The following SLC1A1 variants were observed in gnomAD, a reference collection of about 807,000 sequenced individuals.
SLC1A1 encodes excitatory amino acid transporter 3.
SLC1A1 carries 43 observed loss-of-function variants against 53.3 expected under a neutral mutation model. The observed-to-expected ratio is 0.81, with a 90% CI of 0.63 to 1.04. The LOEUF (loss-of-function observed/expected upper bound fraction) is 1.04, where lower values mean the gene tolerates loss of function less well. Ranked by LOEUF, SLC1A1 falls within the 50% of genes least tolerant of loss-of-function variation. SLC1A1 has a pLI of 0.00. For synonymous variants in SLC1A1, 307 were observed against 243.2 expected (o/e 1.26, Z -2.44); for missense variants, 748 against 664.9 (o/e 1.12, Z -1.37).
chr9:4,552,489 G>C (rs1818016576), intron 2 of SLC1A1, among the ~76,000 whole-genome samples: 1 of 152,138 alleles, frequency 6.6e-6, no homozygotes, highest in African/African-American at 2.4e-5. Flanking sequence ...TGGGCAAGAG[G>C]AATGGGATGG....
intron 2 of SLC1A1, among the ~76,000 whole-genome samples, chr9:4,557,156 T>C (rs1333925060): frequency 6.6e-6 from 1 of 152,214 alleles, no homozygotes; most frequent in Non-Finnish European, 1.5e-5. Flanking sequence ...AATGCAGCTC[T>C]TTCTGTCATG....
intron 1 of SLC1A1, among the ~76,000 whole-genome samples, chr9:4,528,599 G>C (rs954923737): frequency 6.6e-6 from 1 of 152,030 alleles, no homozygotes; most frequent in Non-Finnish European, 1.5e-5. Context: ...ACAAAAAAAT[G>C]CAAGTTAGAT....
chr9:4,512,389 T>A (rs565193340), intron 1 of SLC1A1, among the ~76,000 whole-genome samples: 1 of 152,212 alleles, frequency 6.6e-6, no homozygotes, highest in East Asian at 1.9e-4. Flanking sequence ...GCGCCTGTAG[T>A]CCCAGCTACT....
chr9:4,527,113 C>G (rs7021569), intron 1 of SLC1A1, among the ~76,000 whole-genome samples: 43,890 of 152,038 alleles, frequency 0.29, 6,769 homozygotes, highest in South Asian at 0.4. Context: ...TGGCAAGGAA[C>G]AGTAGGACTT....
At chr9:4,497,704 C>A (rs1820483725) in intron 1 of SLC1A1, among the ~76,000 whole-genome samples, 1 of 152,246 alleles carries the variant, frequency 6.6e-6, no homozygotes, top group East Asian at 1.9e-4. Flanking sequence ...TTTTCTTTCT[C>A]AAAACTAGAT....
rs750896366 is a variant in SLC1A1 at position 4,490,630 on chromosome 9, C to G, written c.-50C>G. The G allele has an allele frequency of 1.8e-5, 28 of 1,527,876 alleles. No individual in the cohort carries two copies. In the South Asian group the frequency reaches 2.5e-4, roughly 14 times the overall value. 94.6% of individuals were successfully genotyped at this position (1,527,876 alleles called of 1,614,324 possible). A position where few individuals can be genotyped will look rare whatever the true frequency, so the allele number is the denominator to read the frequency against. On this transcript the variant is annotated 5_prime_UTR_variant, in exon 1 of 12. Coordinates refer to ENST00000262352, the MANE Select transcript of SLC1A1 (RefSeq NM_004170.6). ...GAGCAGCCAGCAGTCCCCGGGTCGC[C>G]CAGCCCACGCGCGCACGGCCGAGCC...
chr9:4,580,677 T>C (rs1039860845), intron 10 of SLC1A1, among the ~76,000 whole-genome samples: 1 of 123,274 alleles, frequency 8.1e-6, no homozygotes, highest in Non-Finnish European at 1.6e-5. Context: ...AGAAAGACAA[T>C]TGTAGGATTT....
In SLC1A1 at chr9:4,572,221, C is replaced by CA; in HGVS notation, c.604dup (p.Ile202AsnfsTer44). The CA allele has an allele frequency of 6.2e-7, 1 of 1,613,240 alleles. No individual in the cohort carries two copies. The highest frequency in any genetic ancestry group is 8.5e-7 in the Non-Finnish European group (1 of 1,179,254). On this transcript the variant is annotated frameshift_variant, in exon 7 of 12. Coordinates refer to ENST00000262352, the MANE Select transcript of SLC1A1 (RefSeq NM_004170.6). LOFTEE classifies it high-confidence loss of function. ...ATCCACAGAACAAAACAAAGGAATACAAAATTGTTGGCATGTATTCAGATG... is the reference window on the plus strand; with the variant it reads ...ATCCACAGAACAAAACAAAGGAATACAAAAATTGTTGGCATGTATTCAGATG...
At chr9:4,546,227 TAA>T (rs1817483197) in intron 2 of SLC1A1, among the ~76,000 whole-genome samples, 1 of 152,218 alleles carries the variant, frequency 6.6e-6, no homozygotes, top group Non-Finnish European at 1.5e-5. Context: ...ATGAGAAACC[TAA>T]AGAGAACATT....
intron 1 of SLC1A1, among the ~76,000 whole-genome samples, chr9:4,519,819 T>G (rs1816001210): frequency 6.6e-6 from 1 of 152,232 alleles, no homozygotes; most frequent in African/African-American, 2.4e-5. Flanking sequence ...GTCTTACATC[T>G]TCACCTAGAT....
intron 4 of SLC1A1, 86 bp downstream of exon 4, chr9:4,564,544 G>A: frequency 1.2e-6 from 1 of 823,370 alleles, no homozygotes; most frequent in Non-Finnish European, 2.1e-6. Context: ...TGCTGTTACT[G>A]TATTGAAATT....
At chr9:4,561,584 A>G (rs745460102) in intron 3 of SLC1A1, 43 bp downstream of exon 3, 1 of 1,221,234 alleles carries the variant, frequency 8.2e-7, no homozygotes, top group Non-Finnish European at 1.2e-6. Flanking sequence ...TGTAATGGTG[A>G]TTTTTTCATT....
At chr9:4,512,082 CAT>C (rs1821017404) in intron 1 of SLC1A1, among the ~76,000 whole-genome samples, 1 of 152,082 alleles carries the variant, frequency 6.6e-6, no homozygotes, top group East Asian at 1.9e-4. Context: ...AATGGAGAGA[CAT>C]AAGTTGTTCA....
Position 4,513,309 on chromosome 9 carries a change from G to A in SLC1A1, c.91+22539G>A, listed in dbSNP as rs551747470. On this transcript the variant is annotated intron_variant, in intron 1 of 11. Transcript: ENST00000262352. ...GAATTGCAGATCATATATCCAACTT[G>A]TCTAAATTTGTATCCAGAATATATA... 2.6e-5 allele frequency among the ~76,000 whole-genome samples: 4 copies of A among 152,260 alleles called. No individual in the cohort carries two copies. In the South Asian group the frequency reaches 8.3e-4, roughly 32 times the overall value.
chr9:4,494,197 G>T (rs1820331677), intron 1 of SLC1A1, among the ~76,000 whole-genome samples: 1 of 152,170 alleles, frequency 6.6e-6, no homozygotes, highest in Admixed American at 6.5e-5. Flanking sequence ...GGAGTGAAGA[G>T]TCCTTGGGAT....
chr9:4,539,673 G>C (rs1256652465), intron 1 of SLC1A1, among the ~76,000 whole-genome samples: 2 of 152,234 alleles, frequency 1.3e-5, no homozygotes, highest in Middle Eastern at 3.4e-3. Flanking sequence ...CCAGGTTCAA[G>C]CGATTCTCCT....
intron 1 of SLC1A1, among the ~76,000 whole-genome samples, chr9:4,521,731 T>C (rs1816078719): frequency 6.6e-6 from 1 of 152,188 alleles, no homozygotes; most frequent in Non-Finnish European, 1.5e-5. Context: ...GTATACTTTA[T>C]GGAAGGCCTG....
At chr9:4,582,830 A>G (rs1032576843) in intron 10 of SLC1A1, among the ~76,000 whole-genome samples, 1 of 152,190 alleles carries the variant, frequency 6.6e-6, no homozygotes, top group Admixed American at 6.5e-5. Context: ...AGGAGATGGC[A>G]TCATACCCCT....
intron 1 of SLC1A1, among the ~76,000 whole-genome samples, chr9:4,508,209 C>T (rs529479523): frequency 6.6e-6 from 1 of 152,076 alleles, no homozygotes; most frequent in Non-Finnish European, 1.5e-5. Context: ...AAACAAATCA[C>T]TTTAAGAGGA....
Sources: allele counts gnomAD v4.1 joint callset (sites outside exome capture counted in the v4.1 genomes callset), GRCh38; gene constraint gnomAD v4.1.1; transcripts MANE v1.5; gene names NCBI Gene and HGNC (gene_info 2026-07-23, HGNC 2026-07-21).